Variants in SLC24A3 observed in about 807,000 individuals in gnomAD.
SLC24A3 encodes solute carrier family 24 member 3.
A neutral mutation model predicts 75.8 loss-of-function variants in SLC24A3; 28 were observed. The observed-to-expected ratio is 0.37, with a 90% confidence interval of 0.27 to 0.51. SLC24A3 has a LOEUF of 0.51. Ranked by LOEUF, SLC24A3 falls within the 20% of genes least tolerant of loss-of-function variation. The probability of loss-of-function intolerance (pLI) is 0.94; values close to 1 mark genes in which losing one functional copy is unlikely to be tolerated. For missense variants in SLC24A3, 663 were observed against 847.8 expected, an observed-to-expected ratio of 0.78 and a Z score of 2.71; for synonymous variants, 372 against 334.1, an observed-to-expected ratio of 1.11 and a Z score of -1.24.
rs779214861 is a variant in SLC24A3, at chr20:19,580,092, T to C, written c.423+18T>C. On this transcript the variant is annotated intron_variant, in intron 4 of 16. Coordinates refer to ENST00000328041, the MANE Select transcript of SLC24A3 (RefSeq NM_020689.4). ...TCTGTGAGGTACGTGCCTCACATTCTTGGTATGTGTGAGCCAGACTGGGGA... is the reference window on the plus strand; with the variant it reads ...TCTGTGAGGTACGTGCCTCACATTCCTGGTATGTGTGAGCCAGACTGGGGA... 1 of 1,607,244 alleles carries C rather than the reference T, an allele frequency of 6.2e-7. No homozygotes were observed. The highest frequency in any genetic ancestry group is 1.1e-5 in the South Asian group (1 of 90,898).
At chr20:19,333,156 T>G (rs535547768) in intron 2 of SLC24A3, among the ~76,000 whole-genome samples, 3 of 152,358 alleles carry the variant, frequency 2.0e-5, no homozygotes, top group Admixed American at 6.5e-5. Context: ...CATGTGGCTG[T>G]CTGTCTGTTT....
chr20:19,563,219 C>G (rs2030904274), intron 3 of SLC24A3, among the ~76,000 whole-genome samples: 1 of 152,080 alleles, frequency 6.6e-6, no homozygotes, highest in Non-Finnish European at 1.5e-5. Context: ...TAACATATAT[C>G]TCATAGGTGC....
At chr20:19,593,108 C>T (rs951563242) in intron 6 of SLC24A3, among the ~76,000 whole-genome samples, 2 of 152,192 alleles carry the variant, frequency 1.3e-5, no homozygotes, top group Non-Finnish European at 2.9e-5. Context: ...CAAAGACTTT[C>T]AATGTACAAG....
chr20:19,248,944 A>G (rs1178512798), intron 1 of SLC24A3, among the ~76,000 whole-genome samples: 1 of 150,822 alleles, frequency 6.6e-6, no homozygotes, highest in African/African-American at 2.4e-5. Context: ...AACCAGACAC[A>G]TAGAAGCAGG....
intron 1 of SLC24A3, among the ~76,000 whole-genome samples, chr20:19,269,283 G>C (rs902618117): frequency 5.3e-5 from 8 of 152,206 alleles, no homozygotes; most frequent in African/African-American, 1.7e-4. Flanking sequence ...GATCATCATG[G>C]TATTTGGGAG....
chr20:19,584,343 T>A (rs1293374342), intron 4 of SLC24A3, among the ~76,000 whole-genome samples: 1 of 151,982 alleles, frequency 6.6e-6, no homozygotes, highest in Non-Finnish European at 1.5e-5. Flanking sequence ...GGGAGTGGGT[T>A]TCAGGAGGGT....
intron 15 of SLC24A3, 49 bp downstream of exon 15, chr20:19,698,729 T>C: frequency 1.4e-6 from 2 of 1,436,450 alleles, no homozygotes; most frequent in Non-Finnish European, 1.9e-6. Flanking sequence ...GCTACGTGAC[T>C]GTGTTTTAAC....
chr20:19,388,849 A>C (rs1986318320), intron 2 of SLC24A3, among the ~76,000 whole-genome samples: 2 of 152,164 alleles, frequency 1.3e-5, no homozygotes, highest in African/African-American at 4.8e-5. Context: ...TTAATTGGAT[A>C]ATTTCAGCCA....
chr20:19,479,937 T>C (rs1054024896), intron 2 of SLC24A3, among the ~76,000 whole-genome samples: 3 of 152,206 alleles, frequency 2.0e-5, no homozygotes, highest in Non-Finnish European at 4.4e-5. Flanking sequence ...CAATACCCGC[T>C]CATTCCAGGG....
intron 6 of SLC24A3, 71 bp downstream of exon 6, chr20:19,585,615 G>A: frequency 6.9e-7 from 1 of 1,443,758 alleles, no homozygotes; most frequent in Non-Finnish European, 9.7e-7. Context: ...AGTTTAGGCA[G>A]GAGACTGTCT....
At chr20:19,447,120 G>A (rs568070224) in intron 2 of SLC24A3, among the ~76,000 whole-genome samples, 59 of 152,208 alleles carry the variant, frequency 3.9e-4, no homozygotes, top group Non-Finnish European at 6.8e-4. Flanking sequence ...CACCAGCCCT[G>A]TGACCTTGAC....
At chr20:19,367,275 G>C (rs965724768) in intron 2 of SLC24A3, among the ~76,000 whole-genome samples, 1 of 152,204 alleles carries the variant, frequency 6.6e-6, no homozygotes, top group Non-Finnish European at 1.5e-5. Flanking sequence ...CTGGATAGTG[G>C]TCACAGGAGC....
intron 2 of SLC24A3, among the ~76,000 whole-genome samples, chr20:19,362,926 T>G (rs1220913067): frequency 6.6e-6 from 1 of 152,230 alleles, no homozygotes; most frequent in Non-Finnish European, 1.5e-5. Context: ...AAAATGTAGC[T>G]GAAATCACTC....
chr20:19,316,296 C>G (rs561282514), intron 2 of SLC24A3, among the ~76,000 whole-genome samples: 1 of 152,312 alleles, frequency 6.6e-6, no homozygotes, highest in South Asian at 2.1e-4. Context: ...CTGCACAGTT[C>G]CTACCTCTTG....
intron 15 of SLC24A3, among the ~76,000 whole-genome samples, chr20:19,710,173 T>C (rs979719553): frequency 3.3e-5 from 5 of 152,224 alleles, no homozygotes; most frequent in African/African-American, 1.2e-4. Flanking sequence ...ATCCAGGGGC[T>C]TCTTATTTTT....
intron 2 of SLC24A3, among the ~76,000 whole-genome samples, chr20:19,502,350 C>T (rs1232043876): frequency 1.3e-5 from 2 of 152,148 alleles, no homozygotes; most frequent in African/African-American, 2.4e-5. Flanking sequence ...GATGACTCCA[C>T]GCGGCCCAGG....
chr20:19,575,341 C>G (rs1370726612), intron 3 of SLC24A3, among the ~76,000 whole-genome samples: 4 of 151,422 alleles, frequency 2.6e-5, no homozygotes, highest in South Asian at 2.1e-4. Context: ...ATATAGAGAG[C>G]CCATGCTTGG....
intron 6 of SLC24A3, among the ~76,000 whole-genome samples, chr20:19,604,785 G>A (rs946810162): frequency 1.3e-5 from 2 of 152,080 alleles, no homozygotes; most frequent in Admixed American, 1.3e-4. Context: ...ATTACCCTCT[G>A]CCTACCCTCC....
intron 6 of SLC24A3, among the ~76,000 whole-genome samples, chr20:19,590,365 C>T (rs1332290535): frequency 1.3e-5 from 2 of 152,044 alleles, no homozygotes; most frequent in Non-Finnish European, 2.9e-5. Context: ...TATTGTTCCC[C>T]AGACAAAACC....
Sources: gnomAD v4.1 joint callset for allele counts (sites outside exome capture counted in the v4.1 genomes callset) on GRCh38, gnomAD v4.1.1 for gene constraint, MANE v1.5 for transcripts, NCBI Gene and HGNC (gene_info 2026-07-23, HGNC 2026-07-21) for gene names.